The following RABGAP1L variants were observed in gnomAD, a reference collection of about 807,000 sequenced individuals.
RABGAP1L encodes RAB GTPase activating protein 1 like, also known as rab GTPase-activating protein 1-like.
A neutral mutation model predicts 137.7 loss-of-function variants in RABGAP1L; 63 were observed. The ratio of observed to expected loss-of-function variants is 0.46; its 90% CI spans 0.37 to 0.56. The LOEUF (loss-of-function observed/expected upper bound fraction) is 0.56. RABGAP1L is among the 20% of genes least tolerant of loss of function. RABGAP1L has a pLI of 0.00. For synonymous variants in RABGAP1L, 431 were observed against 433.7 expected (o/e 0.99, Z 0.08); for missense variants, 1,095 against 1,244.0 (o/e 0.88, Z 1.80).
At chr1:174,298,336 A>G (rs1677324909) in intron 10 of RABGAP1L, among the ~76,000 whole-genome samples, 1 of 152,178 alleles carries the variant, frequency 6.6e-6, no homozygotes, top group African/African-American at 2.4e-5. Context: ...AATTGGAATT[A>G]TCTGCTCTCA....
intron 12 of RABGAP1L, among the ~76,000 whole-genome samples, chr1:174,371,843 A>G (rs180744127): frequency 1.3e-5 from 2 of 152,320 alleles, no homozygotes; most frequent in Non-Finnish European, 2.9e-5. Flanking sequence ...AACCTCTTTT[A>G]TCCTTTCAAG....
intron 1 of RABGAP1L, among the ~76,000 whole-genome samples, chr1:174,169,283 G>GCC (rs1665155261): frequency 1.3e-5 from 2 of 151,848 alleles, no homozygotes; most frequent in Admixed American, 1.3e-4. Flanking sequence ...GCAGTGGCAT[G>GCC]ATCTTGGCTC....
At chr1:174,859,407 C>G (rs976409892) in intron 19 of RABGAP1L, among the ~76,000 whole-genome samples, 3 of 150,090 alleles carry the variant, frequency 2.0e-5, no homozygotes, top group African/African-American at 7.4e-5. Context: ...GGCATGAACC[C>G]AGGAGGCAGA....
At chr1:174,823,940 G>C (rs905130869) in intron 19 of RABGAP1L, among the ~76,000 whole-genome samples, 1 of 152,126 alleles carries the variant, frequency 6.6e-6, no homozygotes, top group African/African-American at 2.4e-5. Flanking sequence ...GATCACTTGA[G>C]GTCAGGAATT....
intron 18 of RABGAP1L, among the ~76,000 whole-genome samples, chr1:174,785,887 G>C (rs1558076806): frequency 6.6e-6 from 1 of 152,136 alleles, no homozygotes; most frequent in Non-Finnish European, 1.5e-5. Context: ...TCATTTAAAT[G>C]TTGTAACATC....
chr1:174,983,874 C>G (rs1671347670), intron 24 of RABGAP1L, among the ~76,000 whole-genome samples: 1 of 152,052 alleles, frequency 6.6e-6, no homozygotes, highest in African/African-American at 2.4e-5. Flanking sequence ...TGTTCTCCCT[C>G]TCTGATGTGC....
chr1:174,230,692 G>C (rs1670573004), intron 3 of RABGAP1L, among the ~76,000 whole-genome samples: 2 of 152,274 alleles, frequency 1.3e-5, no homozygotes, highest in South Asian at 4.2e-4. Context: ...CTATGACACA[G>C]GGTTGTGAAT....
At chr1:174,370,099 T>C (rs1390112516) in intron 11 of RABGAP1L, among the ~76,000 whole-genome samples, 1 of 152,220 alleles carries the variant, frequency 6.6e-6, no homozygotes, top group African/African-American at 2.4e-5. Context: ...TGGGAGCCAC[T>C]AAATGCCAAT....
chr1:174,183,723 T>C (rs1057014433), intron 1 of RABGAP1L, among the ~76,000 whole-genome samples: 1 of 152,184 alleles, frequency 6.6e-6, no homozygotes, highest in South Asian at 2.1e-4. Context: ...ATTAGTATCA[T>C]ATGGAATGGT....
chr1:174,248,337 G>A (rs192837791), intron 5 of RABGAP1L, among the ~76,000 whole-genome samples: 3 of 152,200 alleles, frequency 2.0e-5, no homozygotes, highest in Non-Finnish European at 4.4e-5. Context: ...AATAATATTT[G>A]TTGAATGAAT....
At chr1:174,265,457 G>T (rs917115146) in intron 7 of RABGAP1L, among the ~76,000 whole-genome samples, 1 of 151,426 alleles carries the variant, frequency 6.6e-6, no homozygotes, top group African/African-American at 2.4e-5. Flanking sequence ...TTTGGTGGGA[G>T]GATGGCTTGA....
At chr1:174,449,097 G>A (rs773501217) in intron 13 of RABGAP1L, 15 of 1,613,890 alleles carry the variant, frequency 9.3e-6, no homozygotes, top group East Asian at 2.2e-5. Context: ...CTAGGCCTCC[G>A]AAGACTGTCT....
Position 174,248,168 on chromosome 1 carries a change from T to A in RABGAP1L, c.718-2307T>A, listed in dbSNP as rs116799818. 9.5e-3 allele frequency among the ~76,000 whole-genome samples: 1,447 copies of A among 152,322 alleles called. 25 individuals are homozygous for A. Among genetic ancestry groups the A allele is most frequent in the African/African-American group, 0.033 (1,389 of 41,572 alleles). On this transcript the variant is annotated intron_variant, in intron 5 of 25. Transcript: ENST00000681986. ...ATTATTGGGCTAAATCCAGTAACTA[T>A]CCAGCTGAGGCTGAACCTTTCTGTT...
intron 21 of RABGAP1L, among the ~76,000 whole-genome samples, chr1:174,974,254 T>G (rs1194379302): frequency 6.6e-6 from 1 of 151,798 alleles, no homozygotes; most frequent in Non-Finnish European, 1.5e-5. Context: ...CCTCCCAGGG[T>G]GCTGGGATTA....
At chr1:174,284,811 C>T (rs1380402803) in intron 10 of RABGAP1L, among the ~76,000 whole-genome samples, 7 of 142,528 alleles carry the variant, frequency 4.9e-5, no homozygotes, top group Non-Finnish European at 9.1e-5. Flanking sequence ...TTTTTTTTCC[C>T]CCAAGATTGC....
intron 13 of RABGAP1L, among the ~76,000 whole-genome samples, chr1:174,580,881 A>G (rs1329927180): frequency 6.6e-6 from 1 of 152,240 alleles, no homozygotes; most frequent in Non-Finnish European, 1.5e-5. Context: ...TCCAAAGAGA[A>G]TATTTCTCCA....
chr1:174,883,718 T>A (rs1654630809), intron 19 of RABGAP1L, among the ~76,000 whole-genome samples: 2 of 151,868 alleles, frequency 1.3e-5, no homozygotes, highest in African/African-American at 4.8e-5. Flanking sequence ...AGGAAAAAAA[T>A]TGTAAAGGAC....
chr1:174,625,271 G>A (rs1273965717), intron 13 of RABGAP1L, among the ~76,000 whole-genome samples: 1 of 152,198 alleles, frequency 6.6e-6, no homozygotes, highest in African/African-American at 2.4e-5. Context: ...CGTAGAGTCA[G>A]AGACTTATTC....
intron 20 of RABGAP1L, chr1:174,965,074 C>A: frequency 1.1e-6 from 1 of 913,664 alleles, no homozygotes; most frequent in Non-Finnish European, 1.6e-6. Flanking sequence ...AAGTTACTAA[C>A]CAAACTTTCC....
Sources: gnomAD v4.1 joint callset for allele counts (sites outside exome capture counted in the v4.1 genomes callset) on GRCh38, gnomAD v4.1.1 for gene constraint, MANE v1.5 for transcripts, NCBI Gene and HGNC (gene_info 2026-07-23, HGNC 2026-07-21) for gene names.